C4orf17: variants seen among roughly 807,000 people sequenced by gnomAD.
The protein encoded by C4orf17 is chromosome 4 open reading frame 17, also known as uncharacterized protein C4orf17.
In C4orf17, 25 loss-of-function variants were observed where a neutral mutation model predicts 32.0. The observed-to-expected ratio is 0.78, with a 90% CI of 0.57 to 1.09. The LOEUF is 1.09. C4orf17 is among the 50% of genes least tolerant of loss of function. The pLI, the probability that C4orf17 is intolerant of heterozygous loss-of-function variation, is 0.00. For missense variants in C4orf17, 420 were observed against 420.0 expected (o/e 1.00, Z 0.00); for synonymous variants, 149 against 145.8 (o/e 1.02, Z -0.16).
At chr4:99,524,403 C>A in intron 3 of C4orf17, 118 bp from the exon 4 acceptor site, 2 of 567,532 alleles carry the variant, frequency 3.5e-6, no homozygotes, top group South Asian at 2.6e-5. Flanking sequence ...AAACAGATTC[C>A]TGAATTGACC....
At chr4:99,520,805 C>T (rs997633823) in intron 2 of C4orf17, among the ~76,000 whole-genome samples, 1 of 152,170 alleles carries the variant, frequency 6.6e-6, no homozygotes, top group African/African-American at 2.4e-5. Flanking sequence ...GGCACTTATT[C>T]ATTAAATATA....
At chr4:99,527,133 T>C (rs1723402036) in intron 4 of C4orf17, among the ~76,000 whole-genome samples, 1 of 152,172 alleles carries the variant, frequency 6.6e-6, no homozygotes, top group South Asian at 2.1e-4. Flanking sequence ...CCTAATATCC[T>C]TTTTAATTTC....
At position 99,522,718 on chromosome 4, in the gene C4orf17, A is replaced by T. The variant is rs1723314744; in HGVS notation, c.337+9A>T. The T allele has an allele frequency of 1.9e-6, 3 of 1,607,536 alleles. No individual in the cohort carries two copies. The highest frequency in any genetic ancestry group is 1.3e-5 in the African/African-American group (1 of 74,676). On this transcript the variant is annotated intron_variant, in intron 3 of 8. Transcript: ENST00000326581. Reference sequence around the variant, plus strand: ...TCCACGGCCTCATTCTGGTGAGTTGAGTTAGAACTGATGAAATGTTTCCTT... The same window carrying T: ...TCCACGGCCTCATTCTGGTGAGTTGTGTTAGAACTGATGAAATGTTTCCTT...
intron 5 of C4orf17, 82 bp downstream of exon 5, chr4:99,530,040 C>G (rs2089079): frequency 1.8e-6 from 2 of 1,099,720 alleles, no homozygotes; most frequent in Non-Finnish European, 2.6e-6. Flanking sequence ...ATCCTTAAAA[C>G]TCTTAAATGA....
chr4:99,531,503 T>C (rs544812458), intron 5 of C4orf17, among the ~76,000 whole-genome samples: 4 of 152,284 alleles, frequency 2.6e-5, no homozygotes, highest in Admixed American at 2.6e-4. Context: ...GCTGGCTTTC[T>C]GGGCATCTAT....
At chr4:99,514,046 G>T (rs1353129165) in intron 2 of C4orf17, among the ~76,000 whole-genome samples, 1 of 152,002 alleles carries the variant, frequency 6.6e-6, no homozygotes, top group Non-Finnish European at 1.5e-5. Context: ...CTGGCTATTG[G>T]GCGTAATCTA....
intron 5 of C4orf17, among the ~76,000 whole-genome samples, chr4:99,535,082 G>T (rs1264530740): frequency 1.3e-5 from 2 of 152,170 alleles, no homozygotes; most frequent in Non-Finnish European, 2.9e-5. Flanking sequence ...CTTCTGGCTT[G>T]TAGGGTTTCC....
chr4:99,529,415 C>T (rs1445635914), intron 4 of C4orf17, among the ~76,000 whole-genome samples: 2 of 152,200 alleles, frequency 1.3e-5, no homozygotes, highest in African/African-American at 4.8e-5. Flanking sequence ...TAGCAATTTG[C>T]ATCATGCAGT....
At chr4:99,535,179 C>G (rs555093613) in intron 5 of C4orf17, among the ~76,000 whole-genome samples, 1 of 151,952 alleles carries the variant, frequency 6.6e-6, no homozygotes, top group African/African-American at 2.4e-5. Context: ...TTTTTTCTTC[C>G]GTTTTGGCCT....
At chr4:99,516,379 G>A (rs1723181317) in intron 2 of C4orf17, among the ~76,000 whole-genome samples, 1 of 152,148 alleles carries the variant, frequency 6.6e-6, no homozygotes, top group African/African-American at 2.4e-5. Context: ...TCTCAAATAG[G>A]AACTTAGGAG....
intron 5 of C4orf17, among the ~76,000 whole-genome samples, chr4:99,531,238 A>G (rs1723472704): frequency 6.6e-6 from 1 of 151,944 alleles, no homozygotes; most frequent in African/African-American, 2.4e-5. Flanking sequence ...AAGATCTCAC[A>G]CTTGTCTGCC....
chr4:99,537,599 A>G (rs1723582801), intron 5 of C4orf17, 70 bp from the exon 6 acceptor site: 1 of 1,051,232 alleles, frequency 9.5e-7, no homozygotes, highest in African/African-American at 1.6e-5. Context: ...GATTCTGGAG[A>G]AGGTAAAGGA....
Position 99,534,066 on chromosome 4 carries a change from C to T in C4orf17, c.547-3603C>T, listed in dbSNP as rs115338548. On this transcript the variant is annotated intron_variant, in intron 5 of 8. Transcript: ENST00000326581. ...AAATGTATGCCCTGGTGGTTTGCTG[C>T]ACAGATTATCCCATCACCTAAGTAT... Among the ~76,000 whole-genome samples the T allele has an allele frequency of 1.5e-3, 231 of 152,242 alleles. 1 individual carries two copies. The highest frequency in any genetic ancestry group is 5.4e-3 in the African/African-American group (223 of 41,544).
chr4:99,521,831 A>G (rs567647909), intron 2 of C4orf17, among the ~76,000 whole-genome samples: 1 of 152,332 alleles, frequency 6.6e-6, no homozygotes, highest in African/African-American at 2.4e-5. Flanking sequence ...ATTGATATTG[A>G]AAAGAGAACC....
At chr4:99,539,430 C>T in intron 7 of C4orf17, 60 bp downstream of exon 7, 1 of 1,330,960 alleles carries the variant, frequency 7.5e-7, no homozygotes, top group South Asian at 1.2e-5. Flanking sequence ...ACTTTGAATT[C>T]TCTTGTTATT....
chr4:99,530,792 AGAATAAAAG>A (rs137881106), intron 5 of C4orf17, among the ~76,000 whole-genome samples: 2,247 of 152,230 alleles, frequency 0.015, 57 homozygotes, highest in African/African-American at 0.052. Flanking sequence ...AAACTTGAGG[AGAATAAAAG>A]GAAATGTATA....
At chr4:99,522,941 G>A (rs1246425601) in intron 3 of C4orf17, among the ~76,000 whole-genome samples, 7 of 152,048 alleles carry the variant, frequency 4.6e-5, no homozygotes, top group African/African-American at 1.7e-4. Context: ...GACATATTTG[G>A]TGTGGTCCTA....
intron 1 of C4orf17, among the ~76,000 whole-genome samples, chr4:99,512,703 G>C (rs554244069): frequency 2.0e-5 from 3 of 152,012 alleles, no homozygotes; most frequent in Non-Finnish European, 2.9e-5. Flanking sequence ...AGTCAACAAA[G>C]TGAGCTCAAA....
chr4:99,538,778 T>C (rs960123706), intron 6 of C4orf17, among the ~76,000 whole-genome samples: 2 of 152,000 alleles, frequency 1.3e-5, no homozygotes, highest in African/African-American at 2.4e-5. Context: ...TTCCTAGATA[T>C]GCTTGTAACT....
Sources: gnomAD v4.1 joint callset for allele counts (sites outside exome capture counted in the v4.1 genomes callset) on GRCh38, gnomAD v4.1.1 for gene constraint, MANE v1.5 for transcripts, NCBI Gene and HGNC (gene_info 2026-07-23, HGNC 2026-07-21) for gene names.